Variants in SCAMP1 observed in about 807,000 individuals in gnomAD.
SCAMP1 encodes the protein secretory carrier-associated membrane protein 1.
SCAMP1 carries 15 observed loss-of-function variants against 41.8 expected under a neutral mutation model. The ratio of observed to expected loss-of-function variants is 0.36; its 90% confidence interval spans 0.24 to 0.55. SCAMP1 has a LOEUF of 0.55. SCAMP1 is among the 20% of genes least tolerant of loss of function. The probability of loss-of-function intolerance (pLI) is 0.86; values close to 1 mark genes in which losing one functional copy is unlikely to be tolerated. For missense variants in SCAMP1, 341 were observed against 412.6 expected, an observed-to-expected ratio of 0.83 and a Z score of 1.50; for synonymous variants, 135 against 136.8, an observed-to-expected ratio of 0.99 and a Z score of 0.09.
chr5:78,403,785 G>A (rs988882788), intron 2 of SCAMP1, among the ~76,000 whole-genome samples: 2 of 151,766 alleles, frequency 1.3e-5, no homozygotes, highest in African/African-American at 2.4e-5. Flanking sequence ...GGCCAACATG[G>A]TGAAACCCTG....
In SCAMP1 at chr5:78,422,062, C is replaced by A. The variant is rs1752351973; in HGVS notation, c.632+102C>A. ...ATTGATGCATTTTCATTAAAAAATTCTTGTATTGTTGTGTAACATACCTTC... is the reference window on the plus strand; with the variant it reads ...ATTGATGCATTTTCATTAAAAAATTATTGTATTGTTGTGTAACATACCTTC... On this transcript the variant is annotated intron_variant, in intron 6 of 8. Transcript: ENST00000621999. The A allele has an allele frequency of 3.9e-6, 4 of 1,023,948 alleles. No homozygotes were observed. In the East Asian group the frequency reaches 7.7e-5, roughly 20 times the overall value. 63.4% of individuals were successfully genotyped at this position (1,023,948 alleles called of 1,614,324 possible).
At chr5:78,433,130 A>G (rs1235400221) in intron 6 of SCAMP1, among the ~76,000 whole-genome samples, 1 of 152,154 alleles carries the variant, frequency 6.6e-6, no homozygotes, top group Non-Finnish European at 1.5e-5. Context: ...CTCCTCATGC[A>G]TGTTGGCCAC....
chr5:78,446,042 T>C (rs1420751890), intron 6 of SCAMP1, among the ~76,000 whole-genome samples: 1 of 152,224 alleles, frequency 6.6e-6, no homozygotes, highest in Non-Finnish European at 1.5e-5. Flanking sequence ...ATACAATCTT[T>C]GAGAATGATA....
intron 8 of SCAMP1, among the ~76,000 whole-genome samples, chr5:78,465,244 C>A (rs550579713): frequency 1.3e-5 from 2 of 152,146 alleles, no homozygotes; most frequent in East Asian, 1.9e-4. Context: ...TTAAGCACCC[C>A]CCGCGTGAAC....
At chr5:78,362,336 C>T (rs1415135419) in intron 1 of SCAMP1, among the ~76,000 whole-genome samples, 9 of 152,154 alleles carry the variant, frequency 5.9e-5, no homozygotes, top group African/African-American at 2.2e-4. Flanking sequence ...TTGGTCATTC[C>T]ATTTCATGGT....
At chr5:78,457,353 A>T (rs1298507319) in intron 7 of SCAMP1, among the ~76,000 whole-genome samples, 3 of 151,768 alleles carry the variant, frequency 2.0e-5, no homozygotes, top group African/African-American at 7.3e-5. Context: ...TGATGTACAG[A>T]TGGGTTTTTG....
At chr5:78,414,272 T>C (rs2112134016) in intron 2 of SCAMP1, among the ~76,000 whole-genome samples, 1 of 151,874 alleles carries the variant, frequency 6.6e-6, no homozygotes, top group African/African-American at 2.4e-5. Flanking sequence ...TTTAATTTAA[T>C]TTTTATTTTA....
intron 6 of SCAMP1, among the ~76,000 whole-genome samples, chr5:78,440,482 A>G (rs1205565533): frequency 6.6e-6 from 1 of 152,132 alleles, no homozygotes; most frequent in Non-Finnish European, 1.5e-5. Flanking sequence ...TCCACTCCAG[A>G]CTGTTTGCCT....
At chr5:78,433,559 C>A (rs551197501) in intron 6 of SCAMP1, among the ~76,000 whole-genome samples, 3 of 152,216 alleles carry the variant, frequency 2.0e-5, no homozygotes. Flanking sequence ...TGACTGCCCT[C>A]AGTACCTCAG....
intron 6 of SCAMP1, among the ~76,000 whole-genome samples, chr5:78,423,504 C>T (rs969375176): frequency 4.6e-5 from 7 of 151,992 alleles, no homozygotes; most frequent in Non-Finnish European, 7.4e-5. Context: ...AATATGTTAT[C>T]GATCTGTGAT....
chr5:78,456,371 G>A (rs187548112), intron 7 of SCAMP1, among the ~76,000 whole-genome samples: 6 of 152,136 alleles, frequency 3.9e-5, no homozygotes, highest in Admixed American at 6.5e-5. Flanking sequence ...CTCTTTTAGG[G>A]CAGGCCTGGT....
rs1753989161 is a variant in SCAMP1 at position 78,475,750 on chromosome 5, A to G, written c.*82A>G. ...TATTCTACAAATATTTTTATGTTCA[A>G]AACACACAGTACAGACAGCATGGAT... On this transcript the variant is annotated 3_prime_UTR_variant, in exon 9 of 9. Transcript: ENST00000621999. 1.7e-6 allele frequency: 2 copies of G among 1,145,838 alleles called. No individual in the cohort carries two copies. The highest frequency in any genetic ancestry group is 1.8e-5 in the South Asian group (1 of 54,872). 71.0% of individuals were successfully genotyped at this position (1,145,838 alleles called of 1,614,324 possible).
intron 7 of SCAMP1, among the ~76,000 whole-genome samples, chr5:78,457,310 G>A (rs1484860862): frequency 6.6e-6 from 1 of 152,140 alleles, no homozygotes. Context: ...CCCCGTCTTT[G>A]TGGTTTTATC....
At chr5:78,449,585 A>G (rs1296704872) in intron 6 of SCAMP1, among the ~76,000 whole-genome samples, 1 of 152,206 alleles carries the variant, frequency 6.6e-6, no homozygotes, top group African/African-American at 2.4e-5. Context: ...TATTTTAAAT[A>G]TTTGCAATTC....
intron 6 of SCAMP1, among the ~76,000 whole-genome samples, chr5:78,435,562 C>G (rs911375027): frequency 6.6e-6 from 1 of 152,142 alleles, no homozygotes; most frequent in Admixed American, 6.6e-5. Flanking sequence ...AACTCATCCT[C>G]TTTTATGGCT....
In SCAMP1 at chr5:78,454,360, A is replaced by T. The variant is rs375813863; in HGVS notation, c.734+4326A>T. Among the ~76,000 whole-genome samples, 33 of 152,292 alleles carry T rather than the reference A, an allele frequency of 2.2e-4. No individual in the cohort carries two copies. In the East Asian group the frequency reaches 5.8e-3, roughly 27 times the overall value. On this transcript the variant is annotated intron_variant, in intron 7 of 8. Coordinates refer to ENST00000621999, the MANE Select transcript of SCAMP1 (RefSeq NM_004866.6). ...TTATTATTTTGAAATACGTCCCATC[A>T]ATACCTAATTTATTGAGAGTTTTTA...
chr5:78,429,096 T>G (rs1183888165), intron 6 of SCAMP1, among the ~76,000 whole-genome samples: 1 of 152,130 alleles, frequency 6.6e-6, no homozygotes, highest in African/African-American at 2.4e-5. Flanking sequence ...AAATGTTTGC[T>G]TATTCCTTCC....
At chr5:78,398,592 C>T (rs1176788372) in intron 2 of SCAMP1, among the ~76,000 whole-genome samples, 2 of 139,390 alleles carry the variant, frequency 1.4e-5, no homozygotes, top group African/African-American at 5.4e-5. Context: ...TGCTCTGTCG[C>T]CCAGGCTGGA....
At chr5:78,396,304 C>G (rs1751648804) in intron 2 of SCAMP1, among the ~76,000 whole-genome samples, 1 of 152,126 alleles carries the variant, frequency 6.6e-6, no homozygotes, top group South Asian at 2.1e-4. Flanking sequence ...AATGTCCACT[C>G]TGGTGGGAGA....
Sources: allele counts gnomAD v4.1 joint callset (sites outside exome capture counted in the v4.1 genomes callset), GRCh38; gene constraint gnomAD v4.1.1; transcripts MANE v1.5; gene names NCBI Gene and HGNC (gene_info 2026-07-23, HGNC 2026-07-21).